The following ANO3 variants were observed in gnomAD, a reference collection of about 807,000 sequenced individuals.
ANO3 encodes anoctamin 3.
ANO3 carries 99 observed loss-of-function variants against 144.8 expected under a neutral mutation model. The ratio of observed to expected loss-of-function variants is 0.68; its 90% confidence interval spans 0.58 to 0.81. The LOEUF is 0.81. Among genes scored for constraint, ANO3 ranks in the 30% least tolerant of loss-of-function variants. The pLI is 0.00. For missense variants in ANO3, 905 were observed against 1,202.2 expected (o/e 0.75, Z 3.66); for synonymous variants, 414 against 392.6 (o/e 1.05, Z -0.64).
chr11:26,372,463 C>T (rs985178955), intron 1 of ANO3, among the ~76,000 whole-genome samples: 4 of 152,162 alleles, frequency 2.6e-5, no homozygotes, highest in African/African-American at 7.2e-5. Context: ...TGTAAATTAA[C>T]CTAAACGAAG....
chr11:26,326,639 T>C (rs1267139446), intron 1 of ANO3, among the ~76,000 whole-genome samples: 4 of 152,172 alleles, frequency 2.6e-5, no homozygotes, highest in Non-Finnish European at 4.4e-5. Flanking sequence ...CCCTAACTTC[T>C]GGGGGTCAAG....
At chr11:26,342,919 A>T (rs969996340) in intron 1 of ANO3, among the ~76,000 whole-genome samples, 1 of 152,180 alleles carries the variant, frequency 6.6e-6, no homozygotes, top group Non-Finnish European at 1.5e-5. Flanking sequence ...TTTGACATAC[A>T]CATACTTTGT....
intron 11 of ANO3, among the ~76,000 whole-genome samples, chr11:26,546,237 T>G (rs996413058): frequency 6.6e-6 from 1 of 151,850 alleles, no homozygotes; most frequent in African/African-American, 2.4e-5. Context: ...TATTATTGTA[T>G]GAGAAATGAA....
chr11:26,595,969 CTGAGT>C (rs1851616274), intron 14 of ANO3, among the ~76,000 whole-genome samples: 1 of 152,164 alleles, frequency 6.6e-6, no homozygotes, highest in Non-Finnish European at 1.5e-5. Context: ...TCGCGGGTTA[CTGAGT>C]TAAGAATTTT....
intron 14 of ANO3, among the ~76,000 whole-genome samples, chr11:26,594,456 G>T (rs1163770470): frequency 6.6e-6 from 1 of 152,176 alleles, no homozygotes; most frequent in Non-Finnish European, 1.5e-5. Context: ...CCTAACCCTT[G>T]TAAAACATCA....
At chr11:26,378,547 A>T (rs1323654559) in intron 1 of ANO3, among the ~76,000 whole-genome samples, 2 of 151,920 alleles carry the variant, frequency 1.3e-5, no homozygotes, top group Non-Finnish European at 2.9e-5. Context: ...TAAAAGGAGA[A>T]AATTTAAAAA....
At position 26,208,512 on chromosome 11, in the gene ANO3, C is replaced by CAAAAAAAAAAAAAA. The variant is rs67196052; in HGVS notation, c.154+19184_154+19197dup. On this transcript the variant is annotated intron_variant, in intron 1 of 27. Transcript: ENST00000672621. ...TGGGTGACAGAGCAAGACTCCGTCTCAAAAAAAAAAAAAAAGGAATTGCAG... is the reference window on the plus strand; with the variant it reads ...TGGGTGACAGAGCAAGACTCCGTCTCAAAAAAAAAAAAAAAAAAAAAAAAAAAAAGGAATTGCAG... Among the ~76,000 whole-genome samples the CAAAAAAAAAAAAAA allele has an allele frequency of 1.5e-4, 18 of 121,680 alleles. 1 individual carries two copies. Among genetic ancestry groups the CAAAAAAAAAAAAAA allele is most frequent in the African/African-American group, 5.5e-4 (16 of 29,028 alleles). The allele number at this position is 121,680 out of a possible 152,430, so 79.8% of individuals were successfully genotyped here.
chr11:26,389,018 C>T (rs754556147), intron 1 of ANO3, among the ~76,000 whole-genome samples: 5 of 152,088 alleles, frequency 3.3e-5, no homozygotes, highest in Non-Finnish European at 7.4e-5. Context: ...AACCTAGAAG[C>T]GTTCTTGTCT....
At chr11:26,537,838 A>C (rs1849549811) in intron 10 of ANO3, among the ~76,000 whole-genome samples, 1 of 152,164 alleles carries the variant, frequency 6.6e-6, no homozygotes, top group South Asian at 2.1e-4. Context: ...CCACCACAAA[A>C]ACCTATAGCC....
At chr11:26,516,689 A>G (rs528230802) in intron 5 of ANO3, 138 bp from the exon 6 acceptor site, 3 of 485,118 alleles carry the variant, frequency 6.2e-6, no homozygotes, top group Non-Finnish European at 1.1e-5. Flanking sequence ...TTTTTTATCC[A>G]TATAAATTTC....
intron 1 of ANO3, among the ~76,000 whole-genome samples, chr11:26,197,605 C>G (rs1441915584): frequency 2.6e-5 from 4 of 152,096 alleles, no homozygotes; most frequent in Non-Finnish European, 5.9e-5. Context: ...CCCGCCTCGG[C>G]CTCCCAAAGT....
At chr11:26,206,778 C>T (rs1283596744) in intron 1 of ANO3, among the ~76,000 whole-genome samples, 1 of 152,180 alleles carries the variant, frequency 6.6e-6, no homozygotes, top group African/African-American at 2.4e-5. Flanking sequence ...GATGAATGAA[C>T]ATTCCAGCAA....
At chr11:26,418,678 C>G (rs924036092) in intron 1 of ANO3, among the ~76,000 whole-genome samples, 1 of 152,120 alleles carries the variant, frequency 6.6e-6, no homozygotes, top group African/African-American at 2.4e-5. Flanking sequence ...GATCAGGAGT[C>G]CCATTTTACT....
At chr11:26,331,921 C>T, upstream of ANO3, 1 of 393,044 alleles carries the variant, frequency 2.5e-6, no homozygotes, top group Admixed American at 3.8e-5. Flanking sequence ...TCAGTATCAG[C>T]TCTAGAGGTT....
chr11:26,342,081 A>G (rs1280330932), intron 1 of ANO3, among the ~76,000 whole-genome samples: 1 of 152,196 alleles, frequency 6.6e-6, no homozygotes, highest in Non-Finnish European at 1.5e-5. Context: ...GTTGACACAT[A>G]ATATTAACCA....
At chr11:26,403,137 G>C (rs1482021070) in intron 1 of ANO3, among the ~76,000 whole-genome samples, 1 of 151,794 alleles carries the variant, frequency 6.6e-6, no homozygotes, top group Non-Finnish European at 1.5e-5. Flanking sequence ...CCTGTTACTT[G>C]TTTCCCTGTA....
chr11:26,563,889 C>T (rs192075446), intron 14 of ANO3, among the ~76,000 whole-genome samples: 1 of 151,846 alleles, frequency 6.6e-6, no homozygotes, highest in Admixed American at 6.6e-5. Context: ...ATTCTTTTCA[C>T]TCGGTATCTT....
At chr11:26,578,775 T>C (rs576689505) in intron 14 of ANO3, among the ~76,000 whole-genome samples, 1 of 152,322 alleles carries the variant, frequency 6.6e-6, no homozygotes, top group East Asian at 1.9e-4. Context: ...AGGCTCCCTG[T>C]AGATTCCTGC....
intron 1 of ANO3, chr11:26,208,453 C>T (rs184661676): frequency 0.032 from 4,757 of 150,464 alleles, 93 homozygotes; most frequent in South Asian, 0.095. Flanking sequence ...GCGGGGCTTG[C>T]AGTGAGCCAA....
Sources: allele counts gnomAD v4.1 joint callset (sites outside exome capture counted in the v4.1 genomes callset), GRCh38; gene constraint gnomAD v4.1.1; transcripts MANE v1.5; gene names NCBI Gene and HGNC (gene_info 2026-07-23, HGNC 2026-07-21).